Variants in CYRIA observed in about 807,000 individuals in gnomAD.
The protein encoded by CYRIA is CYFIP-related Rac1 interactor A.
In CYRIA, 15 loss-of-function variants were observed where a neutral mutation model predicts 43.9. The observed-to-expected ratio is 0.34, with a 90% confidence interval of 0.23 to 0.53. The LOEUF is 0.53. Ranked by LOEUF, CYRIA falls within the 20% of genes least tolerant of loss-of-function variation. The pLI is 0.94. For missense variants in CYRIA, 236 were observed against 394.2 expected, an observed-to-expected ratio of 0.60 and a Z score of 3.40; for synonymous variants, 117 against 136.0, an observed-to-expected ratio of 0.86 and a Z score of 0.97.
At chr2:16,606,140 A>C (rs1053495678) in intron 2 of CYRIA, among the ~76,000 whole-genome samples, 2 of 152,144 alleles carry the variant, frequency 1.3e-5, no homozygotes, top group African/African-American at 4.8e-5. Flanking sequence ...ATGTCCCACA[A>C]GCATAGCCAT....
chr2:16,584,148 A>G (rs1391715705), intron 3 of CYRIA, among the ~76,000 whole-genome samples: 7 of 152,120 alleles, frequency 4.6e-5, no homozygotes, highest in African/African-American at 1.7e-4. Flanking sequence ...CAAATTCGGA[A>G]TCTGCTCCCC....
intron 2 of CYRIA, among the ~76,000 whole-genome samples, chr2:16,592,744 G>A (rs985619804): frequency 4.0e-5 from 6 of 151,672 alleles, no homozygotes; most frequent in Non-Finnish European, 8.8e-5. Context: ...GAAAACAGAG[G>A]TTTCTCTTTG....
chr2:16,583,569 T>C (rs7570720), intron 3 of CYRIA, among the ~76,000 whole-genome samples: 2,583 of 152,296 alleles, frequency 0.017, 87 homozygotes, highest in African/African-American at 0.06. Flanking sequence ...CTGAAACTAC[T>C]TCATTGAAAG....
At chr2:16,657,060 C>T (rs947266346) in intron 1 of CYRIA, among the ~76,000 whole-genome samples, 12 of 152,226 alleles carry the variant, frequency 7.9e-5, no homozygotes, top group Non-Finnish European at 1.6e-4. Flanking sequence ...GTGCTTCCCA[C>T]TCTCCTCCTC....
chr2:16,560,948 G>A (rs745972250), intron 9 of CYRIA, 42 bp downstream of exon 9: 1 of 1,528,990 alleles, frequency 6.5e-7, no homozygotes, highest in African/African-American at 1.4e-5. Flanking sequence ...GACACTGGCT[G>A]GGTGAAGTCT....
rs798377 is a variant in CYRIA at position 16,645,104 on chromosome 2, G to C, written c.-167+20676C>G. 7.8e-3 allele frequency among the ~76,000 whole-genome samples: 1,188 copies of C among 152,300 alleles called. 17 individuals are homozygous for C. The highest frequency in any genetic ancestry group is 0.028 in the African/African-American group (1,145 of 41,552). On this transcript the variant is annotated intron_variant, in intron 1 of 11. Coordinates refer to ENST00000381323, the MANE Select transcript of CYRIA (RefSeq NM_030797.4). Reference sequence around the variant, plus strand: ...TGTTTCAGGGACAATCCATAGGCGAGCAGAAGTGATCCATGAGAATCAACG... The same window carrying C: ...TGTTTCAGGGACAATCCATAGGCGACCAGAAGTGATCCATGAGAATCAACG...
At chr2:16,635,569 T>G (rs1209710475) in intron 1 of CYRIA, among the ~76,000 whole-genome samples, 1 of 152,196 alleles carries the variant, frequency 6.6e-6, no homozygotes, top group African/African-American at 2.4e-5. Flanking sequence ...CTCCAGTGTG[T>G]GTGCATCCCC....
In CYRIA at chr2:16,552,320, A is replaced by T. The variant is rs1273503033; in HGVS notation, c.*616T>A. 3 of 151,966 alleles carry T rather than the reference A, an allele frequency of 2.0e-5. No homozygotes were observed. The highest frequency in any genetic ancestry group is 7.2e-5 in the African/African-American group (3 of 41,396). The allele number at this position is 151,966 out of a possible 1,614,324, so 9.4% of individuals were successfully genotyped here. On this transcript the variant is annotated 3_prime_UTR_variant, in exon 12 of 12. Transcript: ENST00000381323. ...AAAAAATACAGGAGATTTTTTTTTC[A>T]TGTGAAATTAAAGGAGAACATTAGA...
intron 3 of CYRIA, among the ~76,000 whole-genome samples, chr2:16,580,809 C>T (rs183615685): frequency 2.0e-5 from 3 of 152,050 alleles, no homozygotes; most frequent in African/African-American, 7.2e-5. Context: ...AACAGAGAGT[C>T]CTGAAGTAGC....
At chr2:16,621,687 C>A (rs1449478880) in intron 2 of CYRIA, among the ~76,000 whole-genome samples, 1 of 152,200 alleles carries the variant, frequency 6.6e-6, no homozygotes, top group Non-Finnish European at 1.5e-5. Flanking sequence ...GCTCTTCCTT[C>A]TAGCCTTGCT....
chr2:16,561,448 G>T lies in CYRIA; in HGVS notation c.513+8C>A, dbSNP rs1317482744. On this transcript the variant is annotated splice_region_variant and intron_variant, in intron 7 of 11. Transcript: ENST00000381323. ...GGGTGCAAAGGTCAAGGCGACCCAG[G>T]GACTCACGTGCATGTTGTTGATGCG... 1.7e-5 allele frequency: 27 copies of T among 1,613,124 alleles called. No homozygotes were observed. Among genetic ancestry groups the T allele is most frequent in the Non-Finnish European group, 2.3e-5 (27 of 1,179,300 alleles).
intron 1 of CYRIA, among the ~76,000 whole-genome samples, chr2:16,632,975 A>G (rs78128500): frequency 0.014 from 2,138 of 152,290 alleles, 46 homozygotes; most frequent in African/African-American, 0.049. Context: ...CTCCACCCCA[A>G]TGAGGGGAGC....
At chr2:16,555,766 C>T (rs1275566889) in intron 10 of CYRIA, among the ~76,000 whole-genome samples, 1 of 152,062 alleles carries the variant, frequency 6.6e-6, no homozygotes, top group African/African-American at 2.4e-5. Flanking sequence ...ATTTAGTGCC[C>T]ATATTAACTT....
In CYRIA at chr2:16,552,795, C is replaced by A. The variant is rs1419123873; in HGVS notation, c.*141G>T. 3 of 615,250 alleles carry A rather than the reference C, an allele frequency of 4.9e-6. No homozygotes were observed. Among genetic ancestry groups the A allele is most frequent in the South Asian group, 3.9e-5 (2 of 50,834 alleles). 38.1% of individuals were successfully genotyped at this position (615,250 alleles called of 1,614,324 possible). A position where few individuals can be genotyped will look rare whatever the true frequency, so the allele number is the denominator to read the frequency against. On this transcript the variant is annotated 3_prime_UTR_variant, in exon 12 of 12. Transcript: ENST00000381323. The stretch of plus-strand genomic sequence containing the variant: ...CTGCTGGGTTGAGTCAGTCAGGATA[C>A]AAATTAAGGTCCATATATTTCAGTG...
At chr2:16,632,878 C>T (rs1159451858) in intron 1 of CYRIA, among the ~76,000 whole-genome samples, 2 of 152,146 alleles carry the variant, frequency 1.3e-5, no homozygotes, top group Non-Finnish European at 2.9e-5. Context: ...GTCATATGAT[C>T]AGTATTCAGC....
chr2:16,575,519 T>C lies in CYRIA; in HGVS notation c.71-9752A>G, dbSNP rs962786744. 5.3e-5 allele frequency among the ~76,000 whole-genome samples: 8 copies of C among 152,250 alleles called. No individual in the cohort carries two copies. The East Asian group carries it at 1.5e-3, about 29-fold the overall frequency. ...GGGGTAAGTCTTTCCTAGGCTGTTCTTGTGATAGTGAAAAAGTCTCACAAG... is the reference window on the plus strand; with the variant it reads ...GGGGTAAGTCTTTCCTAGGCTGTTCCTGTGATAGTGAAAAAGTCTCACAAG... On this transcript the variant is annotated intron_variant, in intron 3 of 11. Transcript: ENST00000381323.
At chr2:16,554,182 G>C (rs1350017396) in intron 11 of CYRIA, among the ~76,000 whole-genome samples, 1 of 152,146 alleles carries the variant, frequency 6.6e-6, no homozygotes, top group Non-Finnish European at 1.5e-5. Flanking sequence ...CATAGGTAGA[G>C]CATTATTGAT....
intron 1 of CYRIA, among the ~76,000 whole-genome samples, chr2:16,628,364 C>T (rs1172646431): frequency 2.6e-5 from 4 of 152,190 alleles, no homozygotes; most frequent in Non-Finnish European, 4.4e-5. Flanking sequence ...CACCATTTAT[C>T]GGACTGTGAG....
At chr2:16,560,643 ATAT>A in intron 9 of CYRIA, 1 of 260,938 alleles carries the variant, frequency 3.8e-6, no homozygotes, top group Non-Finnish European at 7.5e-6. Flanking sequence ...TCCTGGTTTT[ATAT>A]CTTCTCTACA....
Sources: gnomAD v4.1 joint callset for allele counts (sites outside exome capture counted in the v4.1 genomes callset) on GRCh38, gnomAD v4.1.1 for gene constraint, MANE v1.5 for transcripts, NCBI Gene and HGNC (gene_info 2026-07-23, HGNC 2026-07-21) for gene names.